Variants in DUSP12 observed in about 807,000 individuals in gnomAD.
DUSP12 encodes dual specificity phosphatase 12.
A neutral mutation model predicts 38.9 loss-of-function variants in DUSP12; 25 were observed. The ratio of observed to expected loss-of-function variants is 0.64; its 90% CI spans 0.47 to 0.90. The LOEUF is 0.90. Among genes scored for constraint, DUSP12 ranks in the 40% least tolerant of loss-of-function variants. The probability of loss-of-function intolerance (pLI) is 0.00; values close to 1 mark genes in which losing one functional copy is unlikely to be tolerated. For synonymous variants in DUSP12, 153 were observed against 153.9 expected (o/e 0.99, Z 0.05); for missense variants, 403 against 427.0 (o/e 0.94, Z 0.50).
chr1:161,752,988 T>C, intron 4 of DUSP12, 87 bp from the exon 5 acceptor site: 1 of 542,234 alleles, frequency 1.8e-6, no homozygotes, highest in Non-Finnish European at 2.8e-6. Context: ...AGACTCTGTC[T>C]CAAAAAAAAA....
At chr1:161,756,044 C>T (rs559282386) in intron 5 of DUSP12, among the ~76,000 whole-genome samples, 15 of 152,094 alleles carry the variant, frequency 9.9e-5, no homozygotes, top group South Asian at 4.2e-4. Flanking sequence ...TTAGTAGAGA[C>T]GGGGTTTCAC....
At position 161,751,723 on chromosome 1, in the gene DUSP12, G is replaced by C. The variant is rs764599478; in HGVS notation, c.400G>C (p.Asp134His). Residue 134 changes from aspartate (D) to histidine (H), a missense_variant, in exon 2 of 6, where the codon GAC becomes CAC. Transcript: ENST00000367943. ...AIITAFLMKTDQLPFEKAYEK... is the reference protein window; with the variant it reads ...AIITAFLMKTHQLPFEKAYEK... ...AATAACTGCTTTTCTCATGAAGACT[G>C]ACCAACTTCCCTTTGAAAAAGCCTA... 1.2e-6 allele frequency: 2 copies of C among 1,613,486 alleles called. No homozygotes were observed. The highest frequency in any genetic ancestry group is 2.7e-5 in the African/African-American group (2 of 74,880).
At chr1:161,753,333 C>T (rs1193483694) in intron 5 of DUSP12, 72 bp downstream of exon 5, 1 of 1,221,462 alleles carries the variant, frequency 8.2e-7, no homozygotes, top group East Asian at 2.7e-5. Flanking sequence ...ATTTTAAGCT[C>T]TATTTTAACT....
intron 4 of DUSP12, 70 bp from the exon 5 acceptor site, chr1:161,753,005 A>T: frequency 6.9e-7 from 1 of 1,455,698 alleles, no homozygotes; most frequent in Non-Finnish European, 9.3e-7. Flanking sequence ...AAAAAGAAAT[A>T]CCGCACATTT....
chr1:161,752,512 G>A, intron 4 of DUSP12, 48 bp downstream of exon 4: 1 of 1,236,048 alleles, frequency 8.1e-7, no homozygotes, highest in Non-Finnish European at 1.2e-6. Flanking sequence ...CTCAGTAGCT[G>A]AAAAGTACTT....
At chr1:161,753,044 A>C in intron 4 of DUSP12, 31 bp from the exon 5 acceptor site, 1 of 1,566,940 alleles carries the variant, frequency 6.4e-7, no homozygotes. Context: ...TTTGGAAGTC[A>C]TTAATGCTTT....
chr1:161,750,315 C>T (rs949874454), intron 1 of DUSP12, among the ~76,000 whole-genome samples, 170 bp downstream of exon 1: 1 of 152,192 alleles, frequency 6.6e-6, no homozygotes, highest in Non-Finnish European at 1.5e-5. Context: ...AGGGTTGAGG[C>T]GGGCCCCTGG....
Position 161,753,235 on chromosome 1 carries a change from G to T in DUSP12, c.835G>T (p.Ala279Ser). The T allele has an allele frequency of 6.2e-7, 1 of 1,605,984 alleles. No homozygotes were observed. The highest frequency in any genetic ancestry group is 8.5e-7 in the Non-Finnish European group (1 of 1,175,864). Reference protein sequence around the residue: ...FIEPVQWMESALLGVMDGQLL... With the variant: ...FIEPVQWMESSLLGVMDGQLL... Reference sequence around the variant, plus strand: ...TGAACCTGTACAGTGGATGGAATCTGCTTTGTTGGGAGTGATGGATGGACA... The same window carrying T: ...TGAACCTGTACAGTGGATGGAATCTTCTTTGTTGGGAGTGATGGATGGACA... Residue 279 changes from alanine to serine, a missense_variant, in exon 5 of 6, where the codon GCT (alanine) becomes TCT (serine). Coordinates refer to ENST00000367943, the MANE Select transcript of DUSP12 (RefSeq NM_007240.3).
At chr1:161,750,958 C>G (rs1382263711) in intron 1 of DUSP12, among the ~76,000 whole-genome samples, 2 of 152,066 alleles carry the variant, frequency 1.3e-5, no homozygotes, top group Non-Finnish European at 2.9e-5. Flanking sequence ...AATCCCTAAG[C>G]AGTTCTTGGT....
chr1:161,750,251 G>A (rs1325199879), intron 1 of DUSP12, 106 bp downstream of exon 1: 1 of 1,248,776 alleles, frequency 8.0e-7, no homozygotes, highest in East Asian at 2.5e-5. Flanking sequence ...CGGTCATGCC[G>A]CGTGAACCTC....
At chr1:161,753,011 C>A in intron 4 of DUSP12, 64 bp from the exon 5 acceptor site, 2 of 1,455,140 alleles carry the variant, frequency 1.4e-6, no homozygotes, top group Non-Finnish European at 1.9e-6. Context: ...AAATACCGCA[C>A]ATTTCATCCA....
At chr1:161,750,733 C>G (rs1005586759) in intron 1 of DUSP12, among the ~76,000 whole-genome samples, 3 of 151,894 alleles carry the variant, frequency 2.0e-5, no homozygotes, top group African/African-American at 7.3e-5. Context: ...GTGAGGAGTT[C>G]GAGATCAGGC....
chr1:161,752,045 T>C (rs1684030760), intron 3 of DUSP12, 61 bp downstream of exon 3: 3 of 1,114,162 alleles, frequency 2.7e-6, no homozygotes, highest in Non-Finnish European at 2.6e-6. Flanking sequence ...TAGCATTGTA[T>C]GCTTTACCTT....
In DUSP12 at chr1:161,750,127, G is replaced by A; in HGVS notation, c.326G>A (p.Arg109His). The A allele has an allele frequency of 1.2e-6, 2 of 1,613,334 alleles. No homozygotes were observed. Among genetic ancestry groups the A allele is most frequent in the Non-Finnish European group, 1.7e-6 (2 of 1,179,816 alleles). Reference protein sequence around the residue: ...AFIGQARAEGRAVLVHCHAGV... With the variant: ...AFIGQARAEGHAVLVHCHAGV... ...ATCGGTCAGGCCCGCGCTGAGGGCC[G>A]TGCGGTGTTGGTGCACTGGTGAGTG... Residue 109 changes from arginine to histidine, a missense_variant, in exon 1 of 6, where the codon CGT becomes CAT. Arg to His is a conservative substitution (Grantham distance 29). Coordinates refer to ENST00000367943, the MANE Select transcript of DUSP12 (RefSeq NM_007240.3).
At chr1:161,751,297 G>T in intron 1 of DUSP12, 1 of 165,398 alleles carries the variant, frequency 6.0e-6, no homozygotes, top group Non-Finnish European at 1.3e-5. Flanking sequence ...GTCTCACTTT[G>T]TTGCCCAGGC....
chr1:161,756,042 G>T (rs1272887793), intron 5 of DUSP12, among the ~76,000 whole-genome samples: 1 of 152,094 alleles, frequency 6.6e-6, no homozygotes, highest in East Asian at 1.9e-4. Context: ...TTTTAGTAGA[G>T]ACGGGGTTTC....
intron 5 of DUSP12, 100 bp from the exon 6 acceptor site, chr1:161,756,686 G>A: frequency 7.4e-7 from 1 of 1,348,540 alleles, no homozygotes; most frequent in Non-Finnish European, 1.0e-6. Flanking sequence ...CTCAACGTGG[G>A]GATCGTGTCT....
chr1:161,749,815 C>G lies in DUSP12; in HGVS notation c.14C>G (p.Pro5Arg), dbSNP rs188951859. ...CTGGGCGCGGCCATGTTGGAGGCTC[C>G]GGGCCCGAGTGATGGCTGCGAGCTC... MLEA[P>R]GPSDGCELSN... Residue 5 changes from proline to arginine, a missense_variant, in exon 1 of 6, where the codon CCG (proline) becomes CGG (arginine). Physicochemically the swap from Pro to Arg is moderately radical, Grantham distance 103. Transcript: ENST00000367943. 5.1e-6 allele frequency: 8 copies of G among 1,579,444 alleles called. No homozygotes were observed. The East Asian group carries it at 1.9e-4, about 37-fold the overall frequency.
intron 3 of DUSP12, 64 bp downstream of exon 3, chr1:161,752,048 T>G (rs1323026132): frequency 2.8e-6 from 3 of 1,070,996 alleles, no homozygotes; most frequent in African/African-American, 3.2e-5. Context: ...CATTGTATGC[T>G]TTACCTTACT....
Sources: gnomAD v4.1 joint callset for allele counts (sites outside exome capture counted in the v4.1 genomes callset) on GRCh38, gnomAD v4.1.1 for gene constraint, MANE v1.5 for transcripts, NCBI Gene and HGNC (gene_info 2026-07-23, HGNC 2026-07-21) for gene names.